DHX34: variants seen among roughly 807,000 people sequenced by gnomAD.
The protein encoded by DHX34 is DExH-box helicase 34, also known as probable ATP-dependent RNA helicase DHX34.
DHX34 carries 96 observed loss-of-function variants against 111.1 expected under a neutral mutation model. The ratio of observed to expected loss-of-function variants is 0.86; its 90% CI spans 0.73 to 1.02. DHX34 has a LOEUF of 1.02. DHX34 is among the 50% of genes least tolerant of loss of function. The pLI, the probability that DHX34 is intolerant of heterozygous loss-of-function variation, is 0.00. For synonymous variants in DHX34, 688 were observed against 670.4 expected (o/e 1.03, Z -0.41); for missense variants, 1,560 against 1,579.9 (o/e 0.99, Z 0.21).
chr19:47,381,484 C>T (rs1295647413), intron 16 of DHX34, 160 bp downstream of exon 16: 5 of 1,106,708 alleles, frequency 4.5e-6, no homozygotes, highest in Non-Finnish European at 6.3e-6. Context: ...TCCTGAAGAT[C>T]AGGAGCCCAA....
intron 3 of DHX34, among the ~76,000 whole-genome samples, chr19:47,356,129 A>G (rs1969451019): frequency 6.6e-6 from 1 of 152,112 alleles, no homozygotes. Flanking sequence ...ACTAGATGCT[A>G]GTAGTCTTCT....
intron 1 of DHX34, 30 bp downstream of exon 1, chr19:47,349,382 G>C (rs1452304029): frequency 6.6e-6 from 1 of 152,602 alleles, no homozygotes; most frequent in African/African-American, 2.4e-5. Flanking sequence ...CGGGTGTACC[G>C]GGTTGTGGCG....
At position 47,357,920 on chromosome 19, in the gene DHX34, G is replaced by A. The variant is rs1288454219; in HGVS notation, c.1072G>A (p.Asp358Asn). Residue 358 changes from aspartate to asparagine, a missense_variant, in exon 4 of 17, where the codon GAC (aspartate) becomes AAC (asparagine). By Grantham distance (23) the Asp-to-Asn change is conservative. Coordinates refer to ENST00000328771, the MANE Select transcript of DHX34 (RefSeq NM_014681.6). The part of the protein sequence containing the change: ...EPTTSKSEKL[D>N]PRPFLRVLES... Reference sequence around the variant, plus strand: ...GACCACGTCCAAGTCAGAGAAGCTGGACCCGCGGCCTTTCCTGAGGGTGCT... The same window carrying A: ...GACCACGTCCAAGTCAGAGAAGCTGAACCCGCGGCCTTTCCTGAGGGTGCT... 1 of 1,613,916 alleles carries A rather than the reference G, an allele frequency of 6.2e-7. No homozygotes were observed. Among genetic ancestry groups the A allele is most frequent in the Non-Finnish European group, 8.5e-7 (1 of 1,180,036 alleles).
In DHX34 at chr19:47,353,276, C is replaced by T. The variant is rs1599750778; in HGVS notation, c.246C>T (p.Asp82=). The change falls in exon 2 of 17, where the codon GAC becomes GAT. Residue 82 remains aspartate, a synonymous_variant. Transcript: ENST00000328771. The surrounding 1 kb of genome is among the most constrained non-coding windows in gnomAD (Gnocchi z 4.6). ...NLKTSRKEEK[D]PGQPKHSIPA... is the part of the protein sequence containing the mutation. ...AGACCTCCAGGAAGGAGGAGAAAGA[C>T]CCTGGACAGCCCAAGCACAGCATCC... 1.2e-6 allele frequency: 2 copies of T among 1,614,158 alleles called. No individual in the cohort carries two copies. The highest frequency in any genetic ancestry group is 2.2e-5 in the East Asian group (1 of 44,884).
In DHX34 at chr19:47,355,758, A is replaced by C. The variant is rs1227284863; in HGVS notation, c.1017+408A>C. Among the ~76,000 whole-genome samples, 4 of 152,186 alleles carry C rather than the reference A, an allele frequency of 2.6e-5. No homozygotes were observed. In the East Asian group the frequency reaches 7.7e-4, roughly 29 times the overall value. ...TCCCAGCTACTCGGGAGGCTGAGGC[A>C]GGAGAGTGGCGTGAACCTGGGAGGC... On this transcript the variant is annotated intron_variant, in intron 3 of 16. Coordinates refer to ENST00000328771, the MANE Select transcript of DHX34 (RefSeq NM_014681.6).
At position 47,376,434 on chromosome 19, in the gene DHX34, C is replaced by A; in HGVS notation, c.2482-9C>A. 1 of 1,609,888 alleles carries A rather than the reference C, an allele frequency of 6.2e-7. No homozygotes were observed. Among genetic ancestry groups the A allele is most frequent in the Non-Finnish European group, 8.5e-7 (1 of 1,178,528 alleles). On this transcript the variant is annotated splice_polypyrimidine_tract_variant and intron_variant, in intron 11 of 16. Coordinates refer to ENST00000328771, the MANE Select transcript of DHX34 (RefSeq NM_014681.6). Reference sequence around the variant, plus strand: ...AGGAGGGCTTGTGCTTTCTCTCTGTCCTCCGCAGATTTTCCACACGCAGGC... The same window carrying A: ...AGGAGGGCTTGTGCTTTCTCTCTGTACTCCGCAGATTTTCCACACGCAGGC...
Position 47,362,621 on chromosome 19 carries a change from G to A in DHX34, c.1521G>A (p.Ser507=), listed in dbSNP as rs766716618. 3.7e-6 allele frequency: 6 copies of A among 1,613,738 alleles called. No individual in the cohort carries two copies. The highest frequency in any genetic ancestry group is 1.3e-5 in the African/African-American group (1 of 74,908). The stretch of plus-strand genomic sequence containing the variant: ...TCTGCTTCCGCCTCTATGCCGAATC[G>A]GACTATGATGCCTTCGCCCCCTACC... The part of the protein sequence containing the change: ...PGVCFRLYAE[S]DYDAFAPYPV... The change falls in exon 6 of 17, where the codon TCG becomes TCA. Residue 507 remains serine, a synonymous_variant. Coordinates refer to ENST00000328771, the MANE Select transcript of DHX34 (RefSeq NM_014681.6).
At chr19:47,366,054 T>C (rs763568648) in intron 6 of DHX34, among the ~76,000 whole-genome samples, 33 of 152,142 alleles carry the variant, frequency 2.2e-4, no homozygotes, top group Non-Finnish European at 3.8e-4. Context: ...TCACAGCAGT[T>C]CTGGGTTAAT....
At chr19:47,376,278 G>A in intron 11 of DHX34, 165 bp from the exon 12 acceptor site, 2 of 1,462,118 alleles carry the variant, frequency 1.4e-6, no homozygotes, top group Non-Finnish European at 1.8e-6. Context: ...GGCTTGGGGA[G>A]TCAAGAGCAC....
intron 14 of DHX34, among the ~76,000 whole-genome samples, chr19:47,380,280 G>A (rs1308338796): frequency 6.6e-6 from 1 of 152,154 alleles, no homozygotes; most frequent in Admixed American, 6.6e-5. Context: ...GACAGGCAGG[G>A]TGTGAGAGGG....
At position 47,372,862 on chromosome 19, in the gene DHX34, C is replaced by T. The variant is rs201281528; in HGVS notation, c.1901C>T (p.Pro634Leu). ...SSPECAAARR[P>L]LESDQGDPFT... The stretch of plus-strand genomic sequence containing the variant: ...CCAGAGTGCGCGGCAGCACGGCGGC[C>T]GCTGGAGAGCGACCAGGGTGACCCC... The change falls in exon 8 of 17, where the codon CCG (proline) becomes CTG (leucine). Residue 634 changes from proline (P) to leucine (L), a missense_variant. Pro to Leu is a moderately conservative substitution (Grantham distance 98, BLOSUM62 -3). Coordinates refer to ENST00000328771, the MANE Select transcript of DHX34 (RefSeq NM_014681.6). 7.3e-5 allele frequency: 117 copies of T among 1,611,122 alleles called. No homozygotes were observed. Among genetic ancestry groups the T allele is most frequent in the East Asian group, 2.0e-4 (9 of 44,886 alleles).
At chr19:47,373,044 C>T (rs540917624) in intron 8 of DHX34, 121 bp downstream of exon 8, 1 of 1,309,064 alleles carries the variant, frequency 7.6e-7, no homozygotes, top group Non-Finnish European at 1.0e-6. Context: ...CTGAGCCCCC[C>T]ACAGACTGGG....
intron 14 of DHX34, among the ~76,000 whole-genome samples, chr19:47,380,546 A>C (rs576242750): frequency 6.8e-6 from 1 of 147,700 alleles, no homozygotes; most frequent in African/African-American, 2.6e-5. Context: ...CCAGACTTGA[A>C]GGTTAGACTC....
rs961394144 is a variant in DHX34, at chr19:47,379,949, C to G, written c.2946C>G (p.Thr982=). The change falls in exon 14 of 17, where the codon ACC becomes ACG. Residue 982 remains threonine, a synonymous_variant. Transcript: ENST00000328771. ...CAGTCAGCCCCAAGGAGGTGGCCAC[C>G]CTGAGCAAGGAACTCCTGCAATTCA... ...DTPVSPKEVA[T]LSKELLQFTA... 2.5e-6 allele frequency: 4 copies of G among 1,600,260 alleles called. No individual in the cohort carries two copies. The highest frequency in any genetic ancestry group is 3.4e-6 in the Non-Finnish European group (4 of 1,169,060).
At position 47,382,255 on chromosome 19, in the gene DHX34, G is replaced by A; in HGVS notation, c.*142G>A. 7.1e-7 allele frequency: 1 copy of A among 1,407,472 alleles called. No homozygotes were observed. Among genetic ancestry groups the A allele is most frequent in the Non-Finnish European group, 9.4e-7 (1 of 1,067,224 alleles). The allele number at this position is 1,407,472 out of a possible 1,614,324, so 87.2% of individuals were successfully genotyped here. A position where few individuals can be genotyped will look rare whatever the true frequency, so the allele number is the denominator to read the frequency against. On this transcript the variant is annotated 3_prime_UTR_variant, in exon 17 of 17. Transcript: ENST00000328771. Reference sequence around the variant, plus strand: ...GTGCAGAGGGCCTGGAGCACGGATTGTGAATAAAGCCTCACATGCTGATAC... The same window carrying A: ...GTGCAGAGGGCCTGGAGCACGGATTATGAATAAAGCCTCACATGCTGATAC...
At position 47,372,854 on chromosome 19, in the gene DHX34, A is replaced by G; in HGVS notation, c.1893A>G (p.Ala631=). 1.9e-6 allele frequency: 3 copies of G among 1,611,676 alleles called. No homozygotes were observed. The highest frequency in any genetic ancestry group is 2.5e-6 in the Non-Finnish European group (3 of 1,179,350). ...AGAGCAGCCCAGAGTGCGCGGCAGC[A>G]CGGCGGCCGCTGGAGAGCGACCAGG... ...SAQSSPECAA[A]RRPLESDQGD... Residue 631 remains alanine, a synonymous_variant, in exon 8 of 17, where the codon GCA becomes GCG. Coordinates refer to ENST00000328771, the MANE Select transcript of DHX34 (RefSeq NM_014681.6).
At chr19:47,381,480 A>T in intron 16 of DHX34, 156 bp downstream of exon 16, 1 of 1,131,594 alleles carries the variant, frequency 8.8e-7, no homozygotes, top group Non-Finnish European at 1.2e-6. Flanking sequence ...CTTGTCCTGA[A>T]GATCAGGAGC....
intron 6 of DHX34, among the ~76,000 whole-genome samples, chr19:47,365,872 G>A (rs1374434834): frequency 2.6e-5 from 4 of 152,106 alleles, no homozygotes; most frequent in African/African-American, 9.7e-5. Flanking sequence ...GCATTAATTG[G>A]GATTCTTTTG....
rs149156928 is a variant in DHX34, at chr19:47,358,805, G to A, written c.1272+685G>A. 8.9e-3 allele frequency among the ~76,000 whole-genome samples: 1,356 copies of A among 152,184 alleles called. 21 individuals carry two copies. Among genetic ancestry groups the A allele is most frequent in the African/African-American group, 0.031 (1,268 of 41,506 alleles). ...AATCTTTTGTATATTGAGTAGAGAC[G>A]GGGTTTCGCCATGTTGGCCAGGCTG... On this transcript the variant is annotated intron_variant, in intron 4 of 16. Transcript: ENST00000328771.
Sources: gnomAD v4.1 joint callset for allele counts (sites outside exome capture counted in the v4.1 genomes callset) on GRCh38, gnomAD v4.1.1 for gene constraint, Gnocchi (gnomAD v3.1) non-coding constraint, MANE v1.5 for transcripts, NCBI Gene and HGNC (gene_info 2026-07-23, HGNC 2026-07-21) for gene names.